The following SUCLG2 variants were observed in gnomAD, a reference collection of about 807,000 sequenced individuals.
SUCLG2 encodes succinate-CoA ligase GDP-forming subunit beta, also known as succinate--CoA ligase [GDP-forming] subunit beta, mitochondrial.
A neutral mutation model predicts 47.9 loss-of-function variants in SUCLG2; 42 were observed. That is an observed-to-expected ratio of 0.88 (90% CI 0.69 to 1.14). SUCLG2 has a LOEUF of 1.14. SUCLG2 is among the 50% of genes most tolerant of loss of function. The pLI, the probability that SUCLG2 is intolerant of heterozygous loss-of-function variation, is 0.00. For missense variants in SUCLG2, 571 were observed against 525.9 expected (o/e 1.09, Z -0.84); for synonymous variants, 195 against 197.3 (o/e 0.99, Z 0.10).
chr3:67,639,832 C>T (rs1185903303), intron 1 of SUCLG2, among the ~76,000 whole-genome samples: 1 of 152,132 alleles, frequency 6.6e-6, no homozygotes, highest in African/African-American at 2.4e-5. Flanking sequence ...GGATGTGTGA[C>T]CAGGGAACAA....
At chr3:67,621,023 G>C (rs953856864) in intron 1 of SUCLG2, among the ~76,000 whole-genome samples, 2 of 152,198 alleles carry the variant, frequency 1.3e-5, no homozygotes, top group African/African-American at 4.8e-5. Context: ...ACCAGATTAA[G>C]GTTAGCAAAC....
At chr3:67,444,046 T>G (rs1419917694) in intron 9 of SUCLG2, among the ~76,000 whole-genome samples, 1 of 110,554 alleles carries the variant, frequency 9.0e-6, no homozygotes, top group African/African-American at 3.1e-5. Flanking sequence ...AGCCGCCCCG[T>G]CCGGGAGGGA....
chr3:67,427,454 T>C (rs578085124), intron 9 of SUCLG2, among the ~76,000 whole-genome samples: 1 of 152,232 alleles, frequency 6.6e-6, no homozygotes, highest in African/African-American at 2.4e-5. Flanking sequence ...TGTTGTCAAT[T>C]GACTATCTAG....
chr3:67,422,752 G>A (rs370122790), intron 9 of SUCLG2, among the ~76,000 whole-genome samples: 1 of 152,098 alleles, frequency 6.6e-6, no homozygotes, highest in South Asian at 2.1e-4. Context: ...TGCCTATAGG[G>A]AGGTAACTGT....
chr3:67,578,254 TA>T (rs546270610), intron 2 of SUCLG2, among the ~76,000 whole-genome samples: 3,619 of 139,064 alleles, frequency 0.026, 66 homozygotes, highest in Middle Eastern at 0.056. Context: ...ATATCATATA[TA>T]AAAAAATTTT....
chr3:67,436,734 AATT>A (rs1213989375), intron 9 of SUCLG2, among the ~76,000 whole-genome samples: 2 of 152,222 alleles, frequency 1.3e-5, no homozygotes, highest in East Asian at 3.8e-4. Flanking sequence ...TGCTTAAAAA[AATT>A]ATAAGTGATG....
chr3:67,550,154 A>T (rs1706974917), intron 2 of SUCLG2, among the ~76,000 whole-genome samples: 4 of 152,162 alleles, frequency 2.6e-5, no homozygotes, highest in Admixed American at 1.3e-4. Context: ...CACTTGCCAG[A>T]ATTAGCTGAC....
chr3:67,534,451 T>G (rs1041897662), intron 2 of SUCLG2, among the ~76,000 whole-genome samples: 7 of 152,014 alleles, frequency 4.6e-5, no homozygotes, highest in Non-Finnish European at 1.0e-4. Context: ...TATTGTATAT[T>G]TATTACTATA....
At chr3:67,550,129 G>T (rs1706974205) in intron 2 of SUCLG2, among the ~76,000 whole-genome samples, 1 of 152,052 alleles carries the variant, frequency 6.6e-6, no homozygotes, top group African/African-American at 2.4e-5. Flanking sequence ...CCTGGGCCTG[G>T]GGCACATACA....
intron 2 of SUCLG2, among the ~76,000 whole-genome samples, chr3:67,589,245 C>T (rs1401751482): frequency 1.3e-5 from 2 of 152,188 alleles, no homozygotes; most frequent in Non-Finnish European, 2.9e-5. Flanking sequence ...ATCACTATCT[C>T]ACTACCCTCT....
intron 10 of SUCLG2, among the ~76,000 whole-genome samples, chr3:67,393,132 C>G (rs1702430809): frequency 6.6e-6 from 1 of 152,198 alleles, no homozygotes; most frequent in Non-Finnish European, 1.5e-5. Flanking sequence ...ATCTGAGGTA[C>G]CGGGTTCATC....
chr3:67,619,934 T>C (rs1427946338), intron 1 of SUCLG2, among the ~76,000 whole-genome samples: 2 of 152,204 alleles, frequency 1.3e-5, no homozygotes, highest in Non-Finnish European at 2.9e-5. Context: ...GAGAGTATGC[T>C]AGCTCAATCA....
At chr3:67,443,942 C>T (rs1215522390) in intron 9 of SUCLG2, among the ~76,000 whole-genome samples, 1 of 106,158 alleles carries the variant, frequency 9.4e-6, no homozygotes, top group Non-Finnish European at 2.2e-5. Flanking sequence ...CGGCAGCCAC[C>T]CCGTCCGGGA....
At chr3:67,578,392 C>T (rs1707798381) in intron 2 of SUCLG2, among the ~76,000 whole-genome samples, 3 of 151,716 alleles carry the variant, frequency 2.0e-5, no homozygotes, top group African/African-American at 7.2e-5. Flanking sequence ...CCTGCTGGAA[C>T]TAATTTTCCA....
At chr3:67,395,119 G>A (rs1416521913) in intron 10 of SUCLG2, among the ~76,000 whole-genome samples, 1 of 151,198 alleles carries the variant, frequency 6.6e-6, no homozygotes, top group East Asian at 1.9e-4. Flanking sequence ...ATCAACTAAC[G>A]AGCAAAATAA....
chr3:67,519,955 C>A (rs577994676), intron 5 of SUCLG2, among the ~76,000 whole-genome samples: 2 of 152,126 alleles, frequency 1.3e-5, no homozygotes, highest in East Asian at 3.9e-4. Context: ...TGAAACTAAT[C>A]TTAATATCAA....
At chr3:67,365,647 AC>A in intron 10 of SUCLG2, among the ~76,000 whole-genome samples, 1 of 152,348 alleles carries the variant, frequency 6.6e-6, no homozygotes, top group Middle Eastern at 3.4e-3. Flanking sequence ...AACATGTATG[AC>A]TAAGCATACA....
chr3:67,439,311 C>T (rs1349163217), intron 9 of SUCLG2, among the ~76,000 whole-genome samples: 3 of 152,140 alleles, frequency 2.0e-5, no homozygotes, highest in Non-Finnish European at 4.4e-5. Context: ...GGAAGTATTT[C>T]CTTTGAAAAT....
chr3:67,514,213 G>A, intron 6 of SUCLG2: 1 of 368,614 alleles, frequency 2.7e-6, no homozygotes, highest in South Asian at 2.6e-5. Flanking sequence ...AGCTTTGTGT[G>A]GAATTAGGCA....
Sources: gnomAD v4.1 joint callset for allele counts (sites outside exome capture counted in the v4.1 genomes callset) on GRCh38, gnomAD v4.1.1 for gene constraint, MANE v1.5 for transcripts, NCBI Gene and HGNC (gene_info 2026-07-23, HGNC 2026-07-21) for gene names.